MARCHF2: variants seen among roughly 807,000 people sequenced by gnomAD.
MARCHF2 encodes the protein membrane associated ring-CH-type finger 2, also known as E3 ubiquitin-protein ligase MARCHF2.
In MARCHF2, 22 loss-of-function variants were observed where a neutral mutation model predicts 24.0. The observed-to-expected ratio is 0.92, with a 90% CI of 0.66 to 1.31. The LOEUF (loss-of-function observed/expected upper bound fraction) is 1.31, where lower values mean the gene tolerates loss of function less well. Among genes scored for constraint, MARCHF2 ranks in the 50% most tolerant of loss-of-function variants. The probability of loss-of-function intolerance (pLI) is 0.00; values close to 1 mark genes in which losing one functional copy is unlikely to be tolerated. For missense variants in MARCHF2, 301 were observed against 335.3 expected, an observed-to-expected ratio of 0.90 and a Z score of 0.80; for synonymous variants, 154 against 153.0, an observed-to-expected ratio of 1.01 and a Z score of -0.05.
At chr19:8,420,081 C>T (rs1233032238) in intron 1 of MARCHF2, among the ~76,000 whole-genome samples, 1 of 150,280 alleles carries the variant, frequency 6.7e-6, no homozygotes, top group African/African-American at 2.4e-5. Flanking sequence ...TGGTGTGAAC[C>T]CAGGAGGTGG....
At chr19:8,423,003 G>A (rs1173054377) in intron 2 of MARCHF2, among the ~76,000 whole-genome samples, 1 of 306 alleles carries the variant, frequency 3.3e-3, no homozygotes, top group African/African-American at 0.013. Flanking sequence ...GCGCCTGGCC[G>A]TGCTCAACAA....
chr19:8,415,735 C>CAAAAAAAAAAAAAAA (rs1230223487), intron 1 of MARCHF2, among the ~76,000 whole-genome samples: 1 of 96,728 alleles, frequency 1.0e-5, no homozygotes, highest in African/African-American at 3.7e-5. Flanking sequence ...AAAAAAAAAA[C>CAAAAAAAAAAAAAAA]AAAAAAAACA....
chr19:8,428,214 CA>C (rs1967464812), intron 3 of MARCHF2, among the ~76,000 whole-genome samples: 1 of 149,100 alleles, frequency 6.7e-6, no homozygotes, highest in African/African-American at 2.5e-5. Flanking sequence ...GAGCTGAGAT[CA>C]GGCCACTGCA....
At chr19:8,415,545 C>T (rs1432446831) in intron 1 of MARCHF2, among the ~76,000 whole-genome samples, 1 of 151,068 alleles carries the variant, frequency 6.6e-6, no homozygotes, top group African/African-American at 2.4e-5. Flanking sequence ...ATGGTGAAAC[C>T]CCGTCTCTAC....
intron 1 of MARCHF2, among the ~76,000 whole-genome samples, chr19:8,421,361 T>C (rs1169308527): frequency 1.3e-5 from 2 of 150,508 alleles, no homozygotes; most frequent in African/African-American, 4.9e-5. Context: ...TTTCTTTTTT[T>C]TTTACTTTTT....
intron 4 of MARCHF2, among the ~76,000 whole-genome samples, chr19:8,436,677 C>CTTTTT (rs71175858): frequency 2.0e-4 from 14 of 71,590 alleles, no homozygotes; most frequent in African/African-American, 7.0e-4. Context: ...TAAGGGCTTT[C>CTTTTT]TTTTTTTTTT....
At chr19:8,435,828 C>CTGTT (rs1555694582) in intron 4 of MARCHF2, among the ~76,000 whole-genome samples, 6 of 141,068 alleles carry the variant, frequency 4.3e-5, no homozygotes, top group Non-Finnish European at 9.2e-5. Flanking sequence ...TGCACCTGGC[C>CTGTT]TGTGTGTGTG....
At chr19:8,425,873 C>A (rs894220165) in intron 2 of MARCHF2, among the ~76,000 whole-genome samples, 1 of 151,726 alleles carries the variant, frequency 6.6e-6, no homozygotes, top group Non-Finnish European at 1.5e-5. Flanking sequence ...CCTTGGCCTC[C>A]CAAAGTACTG....
rs190967626 is a variant in MARCHF2 at position 8,430,317 on chromosome 19, C to G, written c.373-341C>G. Among the ~76,000 whole-genome samples, 569 of 152,042 alleles carry G rather than the reference C, an allele frequency of 3.7e-3. 3 individuals are homozygous for G. The highest frequency in any genetic ancestry group is 0.013 in the African/African-American group (537 of 41,520). On this transcript the variant is annotated intron_variant, in intron 3 of 4. Transcript: ENST00000215555. This position sits in a 1 kb window ranked among gnomAD's most constrained non-coding sequence, Gnocchi z 4.4. Reference sequence around the variant, plus strand: ...TGTTGAGGTTGCAGTGAGCCGAGATCGTGCCACGGCACTCCAGCCTGGCTG... The same window carrying G: ...TGTTGAGGTTGCAGTGAGCCGAGATGGTGCCACGGCACTCCAGCCTGGCTG...
chr19:8,431,421 C>T (rs559395592), intron 4 of MARCHF2, among the ~76,000 whole-genome samples: 7 of 123,450 alleles, frequency 5.7e-5, no homozygotes, highest in East Asian at 2.6e-4. Flanking sequence ...TGCTTGAACT[C>T]GGGAGGCGGA....
intron 2 of MARCHF2, 85 bp from the exon 3 acceptor site, chr19:8,426,524 G>A (rs1367905801): frequency 9.0e-7 from 1 of 1,111,180 alleles, no homozygotes. Flanking sequence ...CATGGGGTAA[G>A]GGTGAGCTTG....
intron 2 of MARCHF2, among the ~76,000 whole-genome samples, chr19:8,423,985 CAAAAAAAA>C (rs142383974): frequency 3.9e-4 from 41 of 104,934 alleles, no homozygotes; most frequent in African/African-American, 6.4e-4. Context: ...CTGGGTGACT[CAAAAAAAA>C]AAAAAAAAAA....
At chr19:8,429,803 CTTTTTTTTTTTT>C (rs371323385) in intron 3 of MARCHF2, among the ~76,000 whole-genome samples, 1 of 79,666 alleles carries the variant, frequency 1.3e-5, no homozygotes, top group African/African-American at 4.2e-5. Flanking sequence ...CACACCAGGG[CTTTTTTTTTTTT>C]TTTTTTTTTT....
At chr19:8,435,112 A>G (rs1380520413) in intron 4 of MARCHF2, among the ~76,000 whole-genome samples, 3 of 140,172 alleles carry the variant, frequency 2.1e-5, no homozygotes, top group East Asian at 2.1e-4. Context: ...TCTGCCTCTC[A>G]GGTTCAAGCA....
At chr19:8,436,138 T>TA (rs1443403761) in intron 4 of MARCHF2, among the ~76,000 whole-genome samples, 1 of 151,836 alleles carries the variant, frequency 6.6e-6, no homozygotes. Flanking sequence ...ATGTATTCAC[T>TA]ATTTTTTTTT....
chr19:8,420,896 C>T lies in MARCHF2; in HGVS notation c.-52-893C>T, dbSNP rs560011003. Among the ~76,000 whole-genome samples the T allele has an allele frequency of 5.9e-5, 9 of 152,102 alleles. 1 individual carries two copies. The South Asian group carries it at 1.5e-3, about 25-fold the overall frequency. ...TCTCAAACTCCTGAGCTGAGGCAATCGGAGGCAGGCGGATTGTCTTGAATC... is the reference window on the plus strand; with the variant it reads ...TCTCAAACTCCTGAGCTGAGGCAATTGGAGGCAGGCGGATTGTCTTGAATC... On this transcript the variant is annotated intron_variant, in intron 1 of 4. Transcript: ENST00000215555.
Position 8,430,662 on chromosome 19 carries a change from T to G in MARCHF2, c.377T>G (p.Leu126Arg), listed in dbSNP as rs1967555336. The change falls in exon 4 of 5, where the codon CTG (leucine) becomes CGG (arginine). Residue 126 changes from leucine (L) to arginine (R), a missense_variant. Coordinates refer to ENST00000215555, the MANE Select transcript of MARCHF2 (RefSeq NM_001005415.2). This position sits in a 1 kb window ranked among gnomAD's most constrained non-coding sequence, Gnocchi z 4.4. Reference protein sequence around the residue: ...EKRPRPLTEWLKDPGPRTEKR... With the variant: ...EKRPRPLTEWRKDPGPRTEKR... Reference sequence around the variant, plus strand: ...CCCCTATCCTCTCCCCTGCAGTGGCTGAAGGACCCGGGGCCGCGGACGGAG... The same window carrying G: ...CCCCTATCCTCTCCCCTGCAGTGGCGGAAGGACCCGGGGCCGCGGACGGAG... The G allele has an allele frequency of 6.2e-7, 1 of 1,607,170 alleles. No individual in the cohort carries two copies. The highest frequency in any genetic ancestry group is 1.3e-5 in the African/African-American group (1 of 74,800).
chr19:8,422,402 T>G (rs552361593), intron 2 of MARCHF2, among the ~76,000 whole-genome samples: 1 of 150,904 alleles, frequency 6.6e-6, no homozygotes, highest in East Asian at 1.9e-4. Context: ...GTATCTCTCT[T>G]TTTTTTTTGA....
chr19:8,430,778 G>A lies in MARCHF2; in HGVS notation c.493G>A (p.Asp165Asn). 1 of 1,611,056 alleles carries A rather than the reference G, an allele frequency of 6.2e-7. No homozygotes were observed. Among genetic ancestry groups the A allele is most frequent in the Non-Finnish European group, 8.5e-7 (1 of 1,180,008 alleles). Residue 165 changes from aspartate to asparagine, a missense_variant, in exon 4 of 5, where the codon GAC becomes AAC. Transcript: ENST00000215555. The surrounding 1 kb of genome is among the most constrained non-coding windows in gnomAD (Gnocchi z 4.4). ...SGWLCLRGAQDHLRLHSQLEA... is the reference protein window; with the variant it reads ...SGWLCLRGAQNHLRLHSQLEA... ...CTGGTTGTGCCTGCGCGGGGCCCAG[G>A]ACCACCTCCGGCTCCACAGCCAGCT...
Sources: gnomAD v4.1 joint callset for allele counts (sites outside exome capture counted in the v4.1 genomes callset) on GRCh38, gnomAD v4.1.1 for gene constraint, Gnocchi (gnomAD v3.1) non-coding constraint, MANE v1.5 for transcripts, NCBI Gene and HGNC (gene_info 2026-07-23, HGNC 2026-07-21) for gene names.